The following LNX2 variants were observed in gnomAD, a reference collection of about 807,000 sequenced individuals.
The protein encoded by LNX2 is ligand of Numb protein X 2.
In LNX2, 35 loss-of-function variants were observed where a neutral mutation model predicts 66.2. The ratio of observed to expected loss-of-function variants is 0.53; its 90% confidence interval spans 0.40 to 0.70. The LOEUF is 0.70. Among genes scored for constraint, LNX2 ranks in the 30% least tolerant of loss-of-function variants. LNX2 has a pLI of 0.00. For synonymous variants in LNX2, 337 were observed against 315.6 expected (o/e 1.07, Z -0.72); for missense variants, 791 against 850.8 (o/e 0.93, Z 0.87).
At position 27,556,261 on chromosome 13, in the gene LNX2, A is replaced by C; in HGVS notation, c.1521T>G (p.Leu507=). 1 of 1,613,978 alleles carries C rather than the reference A, an allele frequency of 6.2e-7. No individual in the cohort carries two copies. Among genetic ancestry groups the C allele is most frequent in the Non-Finnish European group, 8.5e-7 (1 of 1,179,926 alleles). The change falls in exon 7 of 10, where the codon CTT becomes CTG. Residue 507 remains leucine, a synonymous_variant. Transcript: ENST00000316334. ...FVTSVPPHGC[L]ARDGRIKRGD... ...CTCTCTTTATTCTGCCATCTCGTGC[A>C]AGGCAGCCATGGGGTGGCACACTGG...
intron 5 of LNX2, among the ~76,000 whole-genome samples, chr13:27,560,565 G>GTGTGTATGTGTATA (rs35007288): frequency 2.5e-5 from 3 of 120,014 alleles, no homozygotes; most frequent in African/African-American, 3.3e-5. Flanking sequence ...ATGTATGTGT[G>GTGTGTATGTGTATA]TATATATATA....
At chr13:27,595,004 C>G (rs1038942852) in intron 1 of LNX2, among the ~76,000 whole-genome samples, 6 of 152,358 alleles carry the variant, frequency 3.9e-5, no homozygotes, top group African/African-American at 1.4e-4. Context: ...TGGTCCCCAA[C>G]TGCTTCTACA....
intron 1 of LNX2, among the ~76,000 whole-genome samples, chr13:27,595,870 C>A (rs1301311030): frequency 2.0e-5 from 3 of 152,168 alleles, no homozygotes; most frequent in Non-Finnish European, 4.4e-5. Context: ...TTCTCCCTGG[C>A]CCCCAACAAC....
chr13:27,584,629 T>C (rs2138408495), intron 1 of LNX2, among the ~76,000 whole-genome samples: 1 of 152,030 alleles, frequency 6.6e-6, no homozygotes, highest in Non-Finnish European at 1.5e-5. Flanking sequence ...GAGGCTGTAG[T>C]GAGGCAAGCT....
chr13:27,596,529 C>T (rs533262849), intron 1 of LNX2, among the ~76,000 whole-genome samples: 2 of 152,136 alleles, frequency 1.3e-5, no homozygotes, highest in East Asian at 1.9e-4. Context: ...ATACACATAC[C>T]GCCAGCCCTA....
At chr13:27,550,164 T>C (rs1172170235) in intron 9 of LNX2, among the ~76,000 whole-genome samples, 169 bp downstream of exon 9, 1 of 152,176 alleles carries the variant, frequency 6.6e-6, no homozygotes, top group African/African-American at 2.4e-5. Flanking sequence ...TCCGCTGGTG[T>C]AGTGTGGGAG....
chr13:27,549,088 G>A (rs571630799), intron 9 of LNX2, among the ~76,000 whole-genome samples: 45 of 152,190 alleles, frequency 3.0e-4, no homozygotes, highest in African/African-American at 1.1e-3. Context: ...ATAATTAACA[G>A]AGGCCCAGAC....
intron 1 of LNX2, 31 bp downstream of exon 1, chr13:27,620,344 G>GC (rs1316588394): frequency 6.6e-6 from 1 of 152,292 alleles, no homozygotes; most frequent in Non-Finnish European, 1.5e-5. Flanking sequence ...GAGAGGGCGC[G>GC]CAGCGAGGCG....
intron 4 of LNX2, among the ~76,000 whole-genome samples, chr13:27,565,312 TG>T (rs776988835): frequency 5.4e-4 from 82 of 152,262 alleles, no homozygotes; most frequent in Non-Finnish European, 9.1e-4. Context: ...TAAAAACATT[TG>T]TAACAATACT....
At chr13:27,600,808 T>C (rs552609884) in intron 1 of LNX2, among the ~76,000 whole-genome samples, 1 of 152,318 alleles carries the variant, frequency 6.6e-6, no homozygotes, top group East Asian at 1.9e-4. Flanking sequence ...AATGGCTGGC[T>C]TGGTCATGTA....
At chr13:27,596,025 C>G (rs368145696) in intron 1 of LNX2, among the ~76,000 whole-genome samples, 4 of 152,164 alleles carry the variant, frequency 2.6e-5, no homozygotes, top group African/African-American at 9.7e-5. Flanking sequence ...ATTAAACACA[C>G]GTATCTATGG....
In LNX2 at chr13:27,559,842, CT is replaced by C; in HGVS notation, c.1367del (p.Lys456ArgfsTer16). 6.5e-7 allele frequency: 1 copy of C among 1,546,826 alleles called. No individual in the cohort carries two copies. The highest frequency in any genetic ancestry group is 8.7e-7 in the Non-Finnish European group (1 of 1,144,806). ...CATAAAAAAAAAAAAAAATCCTCACCTTATGTGAGCTTGGTCTGCTATAATA... is the reference window on the plus strand; with the variant it reads ...CATAAAAAAAAAAAAAAATCCTCACCTATGTGAGCTTGGTCTGCTATAATA... ...PPYYSRPSSHKDLTQCVTCQE... is the reference protein window; with the variant it reads ...PPYYSRPSSHXDLTQCVTCQE... On this transcript the variant is annotated frameshift_variant and splice_region_variant, in exon 6 of 10. Transcript: ENST00000316334. LOFTEE classifies it high-confidence loss of function.
rs1393878192 is a variant in LNX2, at chr13:27,562,615, G to A, written c.1022C>T (p.Ala341Val). The A allele has an allele frequency of 1.2e-6, 2 of 1,614,002 alleles. No individual in the cohort carries two copies. The highest frequency in any genetic ancestry group is 2.2e-5 in the East Asian group (1 of 44,878). Residue 341 changes from alanine (A) to valine (V), a missense_variant, in exon 5 of 10, where the codon GCT (alanine) becomes GTT (valine). Transcript: ENST00000316334. ...TTCACCAGAGTCCCGTTTATGAAGA[G>A]CCACTTGGAAAATCTCTTCTCGTGG... ...NSPREEIFQVALHKRDSGEQL... is the reference protein window; with the variant it reads ...NSPREEIFQVVLHKRDSGEQL...
intron 1 of LNX2, among the ~76,000 whole-genome samples, chr13:27,614,495 TC>T (rs1293333245): frequency 1.4e-5 from 2 of 145,792 alleles, no homozygotes; most frequent in East Asian, 2.0e-4. Flanking sequence ...TCCCACCCCT[TC>T]CCCCAGACTA....
At chr13:27,609,239 G>C (rs141745818) in intron 1 of LNX2, among the ~76,000 whole-genome samples, 1 of 149,984 alleles carries the variant, frequency 6.7e-6, no homozygotes, top group Non-Finnish European at 1.5e-5. Flanking sequence ...TGCAATCTCC[G>C]CCTCCCGGAT....
chr13:27,546,509 A>T lies in LNX2; in HGVS notation c.*1826T>A, dbSNP rs899947051. The T allele has an allele frequency of 7.2e-5, 11 of 152,330 alleles. No homozygotes were observed. The highest frequency in any genetic ancestry group is 2.6e-4 in the African/African-American group (11 of 41,580). 9.4% of individuals were successfully genotyped at this position (152,330 alleles called of 1,614,324 possible). On this transcript the variant is annotated 3_prime_UTR_variant, in exon 10 of 10. Coordinates refer to ENST00000316334, the MANE Select transcript of LNX2 (RefSeq NM_153371.4). ...ATATGTTGATCATACAGTGTAACTA[A>T]GGGGTTGAACAAGTCAGTAGCAATG...
In LNX2 at chr13:27,576,271, A is replaced by G. The variant is rs377369479; in HGVS notation, c.407+5026T>C. On this transcript the variant is annotated intron_variant, in intron 2 of 9. Transcript: ENST00000316334. ...CTTTCAATACTAACAGAACAACTAG[A>G]CATGGAACCAGAAAATAGACCCTTT... Among the ~76,000 whole-genome samples the G allele has an allele frequency of 2.6e-5, 4 of 152,206 alleles. No homozygotes were observed. In the South Asian group the frequency reaches 6.2e-4, roughly 24 times the overall value.
At chr13:27,618,168 C>T (rs535447168) in intron 1 of LNX2, among the ~76,000 whole-genome samples, 1 of 152,312 alleles carries the variant, frequency 6.6e-6, no homozygotes, top group South Asian at 2.1e-4. Context: ...ATTCATCCTT[C>T]CCTCCTTAAG....
intron 1 of LNX2, among the ~76,000 whole-genome samples, chr13:27,618,676 A>G (rs1271147016): frequency 6.6e-6 from 1 of 152,228 alleles, no homozygotes; most frequent in African/African-American, 2.4e-5. Context: ...GCCCAATGTA[A>G]GCAAGAAAAG....
Sources: gnomAD v4.1 joint callset for allele counts (sites outside exome capture counted in the v4.1 genomes callset) on GRCh38, gnomAD v4.1.1 for gene constraint, MANE v1.5 for transcripts, NCBI Gene and HGNC (gene_info 2026-07-23, HGNC 2026-07-21) for gene names.